Variants in AGO2 observed in about 807,000 individuals in gnomAD.
The protein encoded by AGO2 is protein argonaute-2.
AGO2 carries 5 observed loss-of-function variants against 102.3 expected under a neutral mutation model. The ratio of observed to expected loss-of-function variants is 0.05; its 90% CI spans 0.03 to 0.10. The LOEUF is 0.10. Ranked by LOEUF, AGO2 falls within the 10% of genes least tolerant of loss-of-function variation. The pLI is 1.00. For synonymous variants in AGO2, 449 were observed against 473.1 expected (o/e 0.95, Z 0.66); for missense variants, 541 against 1,183.7 (o/e 0.46, Z 7.97).
At chr8:140,631,432 G>A (rs1380948249) in intron 1 of AGO2, among the ~76,000 whole-genome samples, 2 of 151,998 alleles carry the variant, frequency 1.3e-5, no homozygotes, top group African/African-American at 4.8e-5. Flanking sequence ...TCCTCAGGAG[G>A]CTGAGGCAGG....
chr8:140,600,074 C>T (rs1437796898), intron 1 of AGO2, among the ~76,000 whole-genome samples: 1 of 152,250 alleles, frequency 6.6e-6, no homozygotes, highest in Non-Finnish European at 1.5e-5. Context: ...GACGACGTGA[C>T]AGCCTCTGTG....
At chr8:140,586,310 T>C (rs1309252361) in intron 1 of AGO2, among the ~76,000 whole-genome samples, 2 of 152,158 alleles carry the variant, frequency 1.3e-5, no homozygotes, top group African/African-American at 4.8e-5. Context: ...CTGGCCAACA[T>C]GGTGAAACCC....
At chr8:140,623,450 G>A (rs577767866) in intron 1 of AGO2, among the ~76,000 whole-genome samples, 4 of 152,228 alleles carry the variant, frequency 2.6e-5, no homozygotes, top group South Asian at 2.1e-4. Context: ...CACGTCCCCC[G>A]GCACTCCAGC....
chr8:140,610,957 TG>T (rs2074067998), intron 1 of AGO2, among the ~76,000 whole-genome samples: 1 of 152,224 alleles, frequency 6.6e-6, no homozygotes, highest in Non-Finnish European at 1.5e-5. Context: ...TTAATTAAAG[TG>T]GAACATCTCT....
At position 140,531,375 on chromosome 8, in the gene AGO2, C is replaced by T. The variant is rs1217855465; in HGVS notation, c.*669G>A. 6.6e-6 allele frequency: 1 copy of T among 152,560 alleles called. No individual in the cohort carries two copies. 9.5% of individuals were successfully genotyped at this position (152,560 alleles called of 1,614,324 possible). On this transcript the variant is annotated 3_prime_UTR_variant, in exon 19 of 19. Coordinates refer to ENST00000220592, the MANE Select transcript of AGO2 (RefSeq NM_012154.5). ...CATTTTTTATTAAAATGGCACTTGT[C>T]TGCCAACCTCTCTGGACCTGGAAAT...
intron 3 of AGO2, among the ~76,000 whole-genome samples, chr8:140,570,132 G>A (rs895287484): frequency 6.6e-6 from 1 of 152,268 alleles, no homozygotes; most frequent in African/African-American, 2.4e-5. Flanking sequence ...AAACCAGTGG[G>A]AGGAGCGTGG....
At position 140,631,536 on chromosome 8, in the gene AGO2, C is replaced by CA. The variant is rs778104531; in HGVS notation, c.22+3948dup. ...TGGGTGACAGAGCGAGACTCCGTCT[C>CA]AAAAAAAAAAAAAAGAAAAAAAAGA... On this transcript the variant is annotated intron_variant, in intron 1 of 18. Coordinates refer to ENST00000220592, the MANE Select transcript of AGO2 (RefSeq NM_012154.5). Among the ~76,000 whole-genome samples, 413 of 76,078 alleles carry CA rather than the reference C, an allele frequency of 5.4e-3. 2 individuals carry two copies. The highest frequency in any genetic ancestry group is 0.016 in the East Asian group (44 of 2,822). The allele number at this position is 76,078 out of a possible 152,430, so 49.9% of individuals were successfully genotyped here.
At chr8:140,572,398 G>A (rs2073392633) in intron 3 of AGO2, 1 of 154,622 alleles carries the variant, frequency 6.5e-6, no homozygotes, top group Admixed American at 6.5e-5. Flanking sequence ...ACCCAGGATG[G>A]AATTCGTGGC....
intron 1 of AGO2, among the ~76,000 whole-genome samples, chr8:140,603,420 G>A (rs2073957092): frequency 6.6e-6 from 1 of 152,224 alleles, no homozygotes; most frequent in African/African-American, 2.4e-5. Flanking sequence ...AGTGCACACT[G>A]AGGTGGCCTT....
chr8:140,541,835 G>A (rs530059864), intron 14 of AGO2, among the ~76,000 whole-genome samples: 4 of 151,440 alleles, frequency 2.6e-5, no homozygotes, highest in South Asian at 2.1e-4. Flanking sequence ...CCCAGGAGGC[G>A]GAGGTTACAG....
intron 3 of AGO2, among the ~76,000 whole-genome samples, chr8:140,565,109 C>T (rs533420930): frequency 1.4e-5 from 2 of 143,632 alleles, no homozygotes; most frequent in East Asian, 2.1e-4. Flanking sequence ...CCAGCTTGGG[C>T]GACAAGAGTG....
chr8:140,548,423 T>G (rs1303738692), intron 12 of AGO2, among the ~76,000 whole-genome samples: 2 of 150,878 alleles, frequency 1.3e-5, no homozygotes, highest in East Asian at 3.9e-4. Flanking sequence ...ACTGGCACCC[T>G]CCAAATCCTT....
intron 1 of AGO2, among the ~76,000 whole-genome samples, chr8:140,616,918 C>A (rs1262872473): frequency 6.6e-6 from 1 of 152,208 alleles, no homozygotes; most frequent in Non-Finnish European, 1.5e-5. Context: ...CGGAGCCCTG[C>A]GTGTTTTCAC....
chr8:140,624,498 C>T (rs565346115), intron 1 of AGO2, among the ~76,000 whole-genome samples: 153 of 152,346 alleles, frequency 1.0e-3, no homozygotes, highest in African/African-American at 3.6e-3. Context: ...GAAAGACACT[C>T]GGAACAGAGG....
At chr8:140,558,003 CAG>C (rs2073129957) in intron 7 of AGO2, among the ~76,000 whole-genome samples, 1 of 152,202 alleles carries the variant, frequency 6.6e-6, no homozygotes, top group Admixed American at 6.5e-5. Flanking sequence ...AACTGGGGCA[CAG>C]GGGCCAAATC....
intron 1 of AGO2, among the ~76,000 whole-genome samples, chr8:140,614,748 C>T (rs2074119819): frequency 6.6e-6 from 1 of 152,220 alleles, no homozygotes; most frequent in Admixed American, 6.5e-5. Context: ...CTCTGTGCCC[C>T]AGTCTCCTCA....
intron 1 of AGO2, among the ~76,000 whole-genome samples, chr8:140,611,387 G>A (rs1006655115): frequency 6.6e-6 from 1 of 151,838 alleles, no homozygotes; most frequent in African/African-American, 2.4e-5. Flanking sequence ...GAGTACAGTG[G>A]CACGATCTCA....
At chr8:140,631,937 C>G (rs2074347704) in intron 1 of AGO2, among the ~76,000 whole-genome samples, 1 of 152,216 alleles carries the variant, frequency 6.6e-6, no homozygotes, top group South Asian at 2.1e-4. Flanking sequence ...TTAAATGAGT[C>G]ACTCTACTTT....
chr8:140,532,390 G>A lies in AGO2; in HGVS notation c.2471+26C>T, dbSNP rs373375308. On this transcript the variant is annotated intron_variant, in intron 18 of 18. Coordinates refer to ENST00000220592, the MANE Select transcript of AGO2 (RefSeq NM_012154.5). ...CCGTGGCAAAAACCACCCCTGCTGT[G>A]ACCTCCAGCCAGGCATGCCACTCAC... 6,512 of 1,599,630 alleles carry A rather than the reference G, an allele frequency of 4.1e-3. 28 individuals are homozygous for A. Among genetic ancestry groups the A allele is most frequent in the South Asian group, 5.9e-3 (532 of 89,842 alleles).
Sources: allele counts gnomAD v4.1 joint callset (sites outside exome capture counted in the v4.1 genomes callset), GRCh38; gene constraint gnomAD v4.1.1; transcripts MANE v1.5; gene names NCBI Gene and HGNC (gene_info 2026-07-23, HGNC 2026-07-21).